Variants in RFT1 observed in about 807,000 individuals in gnomAD.
RFT1 encodes man(5)GlcNAc(2)-PP-dolichol translocation protein RFT1.
In RFT1, 43 loss-of-function variants were observed where a neutral mutation model predicts 62.2. The ratio of observed to expected loss-of-function variants is 0.69; its 90% confidence interval spans 0.54 to 0.89. RFT1 has a LOEUF of 0.89. Ranked by LOEUF, RFT1 falls within the 40% of genes least tolerant of loss-of-function variation. The pLI is 0.00. For synonymous variants in RFT1, 262 were observed against 264.6 expected (o/e 0.99, Z 0.10); for missense variants, 605 against 649.9 (o/e 0.93, Z 0.75).
chr3:53,121,660 A>G (rs1701971213), intron 5 of RFT1, 39 bp downstream of exon 5: 3 of 1,493,566 alleles, frequency 2.0e-6, no homozygotes, highest in African/African-American at 2.8e-5. Context: ...AGTTGGAGAA[A>G]CAAAGATCAT....
intron 12 of RFT1, 62 bp from the exon 13 acceptor site, chr3:53,092,132 A>C: frequency 6.3e-7 from 1 of 1,590,308 alleles, no homozygotes; most frequent in Non-Finnish European, 8.6e-7. Context: ...CTCTGGGACC[A>C]GCCAGGGAAG....
chr3:53,104,705 T>C (rs1701416670), intron 9 of RFT1, among the ~76,000 whole-genome samples: 1 of 152,232 alleles, frequency 6.6e-6, no homozygotes, highest in Non-Finnish European at 1.5e-5. Flanking sequence ...ATAAACTGTA[T>C]TTTACTAAAT....
chr3:53,068,492 C>G, the RFT1 span, among the ~76,000 whole-genome samples: 1 of 152,212 alleles, frequency 6.6e-6, no homozygotes, highest in East Asian at 1.9e-4. Context: ...CACCACAACC[C>G]TGCAAGGTAG....
intron 5 of RFT1, among the ~76,000 whole-genome samples, chr3:53,121,437 G>C (rs1394498600): frequency 6.6e-6 from 1 of 152,042 alleles, no homozygotes; most frequent in African/African-American, 2.4e-5. Context: ...CCCACTGAAT[G>C]TCTAAAAGGG....
intron 2 of RFT1, 77 bp downstream of exon 2, chr3:53,125,832 A>C (rs1170876493): frequency 8.9e-7 from 1 of 1,117,636 alleles, no homozygotes; most frequent in East Asian, 2.4e-5. Context: ...TCCAAGGATG[A>C]CAAACAGGTA....
At chr3:53,100,521 G>A (rs1701280115) in intron 10 of RFT1, among the ~76,000 whole-genome samples, 1 of 152,112 alleles carries the variant, frequency 6.6e-6, no homozygotes, top group Non-Finnish European at 1.5e-5. Flanking sequence ...AGCCAAAACT[G>A]ACCATCAACA....
rs1331072739 is a variant in RFT1, at chr3:53,130,325, G to A, written c.63+13C>T. 6.4e-7 allele frequency: 1 copy of A among 1,564,780 alleles called. No individual in the cohort carries two copies. Among genetic ancestry groups the A allele is most frequent in the African/African-American group, 1.4e-5 (1 of 73,748 alleles). On this transcript the variant is annotated intron_variant, in intron 1 of 12. Transcript: ENST00000296292. ...GCTGCAGTACAAGCTGGAACCTGAAGGGCAGAGAGTACCTGCAGGAGGAGA... is the reference window on the plus strand; with the variant it reads ...GCTGCAGTACAAGCTGGAACCTGAAAGGCAGAGAGTACCTGCAGGAGGAGA...
Position 53,091,868 on chromosome 3 carries a change from G to C in RFT1, c.*35C>G, listed in dbSNP as rs371549083. On this transcript the variant is annotated 3_prime_UTR_variant, in exon 13 of 13. Transcript: ENST00000296292. Reference sequence around the variant, plus strand: ...CCACCCACAGAACTACCCATAGCTGGTCCAGGTGCCTCGGGTGTCCAGGCT... The same window carrying C: ...CCACCCACAGAACTACCCATAGCTGCTCCAGGTGCCTCGGGTGTCCAGGCT... 2.5e-6 allele frequency: 4 copies of C among 1,609,964 alleles called. No individual in the cohort carries two copies. In the African/African-American group the frequency reaches 4.0e-5, roughly 16 times the overall value.
rs148576979 is a variant in RFT1 at position 53,122,527 on chromosome 3, G to C, written c.303C>G (p.Gly101=). 2,295 of 1,613,460 alleles carry C rather than the reference G, an allele frequency of 1.4e-3. 3 individuals are homozygous for C. The highest frequency in any genetic ancestry group is 1.7e-3 in the Non-Finnish European group (2,032 of 1,179,656). Residue 101 remains glycine, a synonymous_variant, in exon 4 of 13, where the codon GGC becomes GGG. Transcript: ENST00000296292. ...PLGVFWSLFL[G]WIWLQLLEVP... ...CTTCAAGCAGCTGCAACCAGATCCAGCCCAGGAATAAGGACCAAAACACAC... is the reference window on the plus strand; with the variant it reads ...CTTCAAGCAGCTGCAACCAGATCCACCCCAGGAATAAGGACCAAAACACAC...
chr3:53,106,538 G>A (rs1169434027), intron 8 of RFT1, among the ~76,000 whole-genome samples: 1 of 152,160 alleles, frequency 6.6e-6, no homozygotes, highest in Non-Finnish European at 1.5e-5. Context: ...TTGTGGCTGT[G>A]ACAGTGAGCT....
intron 8 of RFT1, among the ~76,000 whole-genome samples, chr3:53,106,515 A>C (rs1267497614): frequency 6.6e-6 from 1 of 152,162 alleles, no homozygotes; most frequent in Non-Finnish European, 1.5e-5. Flanking sequence ...CCACACAAAC[A>C]TGGGGCAGAT....
chr3:53,078,721 A>G, the RFT1 span, among the ~76,000 whole-genome samples: 2 of 152,238 alleles, frequency 1.3e-5, no homozygotes, highest in African/African-American at 4.8e-5. Context: ...CAGCCCAGGC[A>G]GCAGCTCCAG....
intron 11 of RFT1, among the ~76,000 whole-genome samples, chr3:53,093,119 AC>A (rs11303961): frequency 0.48 from 73,652 of 151,924 alleles, 19,724 homozygotes; most frequent in East Asian, 0.72. Context: ...CGGACTTCTG[AC>A]CCCTAAGCTT....
chr3:53,084,259 G>C (rs1700812706), downstream of RFT1, among the ~76,000 whole-genome samples: 1 of 152,212 alleles, frequency 6.6e-6, no homozygotes, highest in African/African-American at 2.4e-5. Flanking sequence ...GACAACAAAA[G>C]CCTTCTGAAA....
intron 7 of RFT1, among the ~76,000 whole-genome samples, chr3:53,109,760 G>A (rs112675303): frequency 0.048 from 7,330 of 152,154 alleles, 611 homozygotes; most frequent in African/African-American, 0.17. Context: ...AGGCTGCAGT[G>A]AGCTGTGTTT....
chr3:53,072,350 TC>T, the RFT1 span, among the ~76,000 whole-genome samples: 1 of 152,020 alleles, frequency 6.6e-6, no homozygotes, highest in South Asian at 2.1e-4. Context: ...ACCCTCAGTT[TC>T]CCCAACTGCA....
chr3:53,087,801 G>A (rs924277970), downstream of RFT1, among the ~76,000 whole-genome samples: 1 of 152,166 alleles, frequency 6.6e-6, no homozygotes, highest in African/African-American at 2.4e-5. Context: ...GATTATAGGC[G>A]CAAGCCACAA....
chr3:53,122,273 G>A (rs1701990461), intron 4 of RFT1, 101 bp downstream of exon 4: 3 of 1,136,700 alleles, frequency 2.6e-6, no homozygotes, highest in Non-Finnish European at 4.0e-6. Context: ...TTAGGTGCAA[G>A]TCTGGAAAAA....
chr3:53,101,587 G>A (rs1378793339), intron 10 of RFT1, among the ~76,000 whole-genome samples: 3 of 152,208 alleles, frequency 2.0e-5, no homozygotes, highest in Non-Finnish European at 4.4e-5. Context: ...GGTGTTTTAA[G>A]TTGAACTGTC....
Sources: gnomAD v4.1 joint callset for allele counts (sites outside exome capture counted in the v4.1 genomes callset) on GRCh38, gnomAD v4.1.1 for gene constraint, MANE v1.5 for transcripts, NCBI Gene and HGNC (gene_info 2026-07-23, HGNC 2026-07-21) for gene names.